SHQ1: variants seen among roughly 807,000 people sequenced by gnomAD.
The protein encoded by SHQ1 is SHQ1, H/ACA ribonucleoprotein assembly factor.
In SHQ1, 49 loss-of-function variants were observed where a neutral mutation model predicts 53.8. The observed-to-expected ratio is 0.91, with a 90% CI of 0.72 to 1.16. The LOEUF is 1.16. Ranked by LOEUF, SHQ1 falls within the 50% of genes most tolerant of loss-of-function variation. SHQ1 has a pLI of 0.00. For missense variants in SHQ1, 738 were observed against 683.1 expected (o/e 1.08, Z -0.90); for synonymous variants, 243 against 251.0 (o/e 0.97, Z 0.30).
At chr3:72,761,428 T>A (rs1353189577) in intron 10 of SHQ1, among the ~76,000 whole-genome samples, 1 of 152,160 alleles carries the variant, frequency 6.6e-6, no homozygotes, top group African/African-American at 2.4e-5. Flanking sequence ...TGCCCCAGCC[T>A]CCCAAAGAGC....
intron 2 of SHQ1, 64 bp from the exon 3 acceptor site, chr3:72,842,466 C>T (rs1407414771): frequency 3.4e-6 from 5 of 1,467,192 alleles, no homozygotes; most frequent in African/African-American, 2.8e-5. Context: ...CAATAGCTTA[C>T]ACCAGTAATC....
At chr3:72,846,470 G>A in intron 1 of SHQ1, 1 of 625,738 alleles carries the variant, frequency 1.6e-6, no homozygotes, top group Admixed American at 3.0e-5. Context: ...TAATTTTTTT[G>A]TATTTTTAGT....
intron 3 of SHQ1, 90 bp from the exon 4 acceptor site, chr3:72,841,289 T>G: frequency 1.0e-6 from 1 of 1,001,830 alleles, no homozygotes; most frequent in Non-Finnish European, 1.4e-6. Context: ...CCCACAAAGA[T>G]GTACCAAAAG....
intron 10 of SHQ1, among the ~76,000 whole-genome samples, chr3:72,788,200 C>A (rs1258736198): frequency 6.6e-6 from 1 of 151,832 alleles, no homozygotes; most frequent in Non-Finnish European, 1.5e-5. Context: ...AGGAGCCCCT[C>A]TGCCCGGCCG....
chr3:72,751,840 G>A lies in SHQ1; in HGVS notation c.1182-1004C>T, dbSNP rs190576821. Among the ~76,000 whole-genome samples the A allele has an allele frequency of 2.8e-3, 427 of 152,140 alleles. 10 individuals carry two copies. The highest frequency in any genetic ancestry group is 0.027 in the Admixed American group (409 of 15,260). ...GAGATTAAATAGCTACAATCCCCATGAAGGAGAACTTGGCAATAACTTTCA... is the reference window on the plus strand; with the variant it reads ...GAGATTAAATAGCTACAATCCCCATAAAGGAGAACTTGGCAATAACTTTCA... On this transcript the variant is annotated intron_variant, in intron 10 of 10. Transcript: ENST00000325599.
Position 72,767,153 on chromosome 3 carries a change from C to T in SHQ1, c.1182-16317G>A, listed in dbSNP as rs7644913. On this transcript the variant is annotated intron_variant, in intron 10 of 10. Transcript: ENST00000325599. The stretch of plus-strand genomic sequence containing the variant: ...TCCACACGGCCATCAGACTTGAGGG[C>T]TTCCAAATTGCTTTCATATGTACGA... Among the ~76,000 whole-genome samples the T allele has an allele frequency of 2.5e-3, 375 of 152,306 alleles. 1 individual carries two copies. Among genetic ancestry groups the T allele is most frequent in the African/African-American group, 8.2e-3 (340 of 41,556 alleles).
At chr3:72,813,573 C>A (rs1707197289) in intron 8 of SHQ1, among the ~76,000 whole-genome samples, 1 of 151,586 alleles carries the variant, frequency 6.6e-6, no homozygotes, top group Non-Finnish European at 1.5e-5. Context: ...ACCACCCTGG[C>A]TAACACGATG....
intron 4 of SHQ1, 26 bp downstream of exon 4, chr3:72,841,019 C>T (rs773336822): frequency 1.3e-6 from 2 of 1,588,614 alleles, no homozygotes; most frequent in Middle Eastern, 1.7e-4. Flanking sequence ...CCCTATAGAT[C>T]AAGATCTTTC....
rs189150487 is a variant in SHQ1, at chr3:72,821,075, G to T, written c.727+3349C>A. Among the ~76,000 whole-genome samples, 778 of 152,252 alleles carry T rather than the reference G, an allele frequency of 5.1e-3. 1 individual carries two copies. The highest frequency in any genetic ancestry group is 0.013 in the South Asian group (61 of 4,826). ...AATGCTCTCAGAGTAACGCACATCTGTCTATTACATTGTACATTCACTGGA... is the reference window on the plus strand; with the variant it reads ...AATGCTCTCAGAGTAACGCACATCTTTCTATTACATTGTACATTCACTGGA... On this transcript the variant is annotated intron_variant, in intron 6 of 10. Transcript: ENST00000325599.
At chr3:72,739,485 A>T in the SHQ1 span, among the ~76,000 whole-genome samples, 4 of 152,200 alleles carry the variant, frequency 2.6e-5, no homozygotes. Context: ...CGGGCTGCAG[A>T]GAGGTAAAGA....
At chr3:72,839,180 G>C (rs958853303) in intron 4 of SHQ1, among the ~76,000 whole-genome samples, 1 of 152,180 alleles carries the variant, frequency 6.6e-6, no homozygotes, top group Non-Finnish European at 1.5e-5. Context: ...TACTTAGCCT[G>C]TGTGACATTT....
At chr3:72,738,843 T>C in the SHQ1 span, among the ~76,000 whole-genome samples, 9,909 of 152,264 alleles carry the variant, frequency 0.065, 484 homozygotes, top group Non-Finnish European at 0.093. Context: ...TCCAGGCACC[T>C]GCCCTGGGCC....
At chr3:72,770,977 G>A (rs1268028352) in intron 10 of SHQ1, among the ~76,000 whole-genome samples, 3 of 152,172 alleles carry the variant, frequency 2.0e-5, no homozygotes, top group African/African-American at 7.2e-5. Flanking sequence ...ACAATCTCCT[G>A]TAGTCTCTTT....
intron 4 of SHQ1, among the ~76,000 whole-genome samples, chr3:72,833,455 TAGATAGATAGA>T (rs1375555255): frequency 5.0e-4 from 14 of 27,804 alleles, no homozygotes; most frequent in Non-Finnish European, 9.6e-4. Context: ...GATAGATAGA[TAGATAGATAGA>T]TAGATAGATA....
chr3:72,777,117 G>A (rs1244708558), intron 10 of SHQ1, among the ~76,000 whole-genome samples: 1 of 152,104 alleles, frequency 6.6e-6, no homozygotes, highest in African/African-American at 2.4e-5. Context: ...AGATACTATA[G>A]GAGAATATCT....
At chr3:72,764,071 G>C (rs540624751) in intron 10 of SHQ1, among the ~76,000 whole-genome samples, 1 of 151,094 alleles carries the variant, frequency 6.6e-6, no homozygotes, top group African/African-American at 2.4e-5. Flanking sequence ...TTTTCTTTGC[G>C]TAATAACATG....
chr3:72,841,280 C>T, intron 3 of SHQ1, 81 bp from the exon 4 acceptor site: 1 of 1,120,590 alleles, frequency 8.9e-7, no homozygotes, highest in South Asian at 1.7e-5. Flanking sequence ...GAAAAAATGC[C>T]CACAAAGATG....
At chr3:72,763,063 A>ACACACACACT (rs1491509394) in intron 10 of SHQ1, among the ~76,000 whole-genome samples, 50 of 88,054 alleles carry the variant, frequency 5.7e-4, no homozygotes, top group African/African-American at 2.0e-3. Flanking sequence ...ACACACACAC[A>ACACACACACT]GAGAGAGAGA....
At chr3:72,831,520 C>A (rs1324734680) in intron 5 of SHQ1, among the ~76,000 whole-genome samples, 1 of 152,306 alleles carries the variant, frequency 6.6e-6, no homozygotes, top group East Asian at 1.9e-4. Flanking sequence ...TTATAAGCTG[C>A]AGGTACTATA....
Sources: gnomAD v4.1 joint callset for allele counts (sites outside exome capture counted in the v4.1 genomes callset) on GRCh38, gnomAD v4.1.1 for gene constraint, MANE v1.5 for transcripts, NCBI Gene and HGNC (gene_info 2026-07-23, HGNC 2026-07-21) for gene names.